The following DTNB variants were observed in gnomAD, a reference collection of about 807,000 sequenced individuals.
DTNB encodes the protein dystrobrevin beta.
In DTNB, 63 loss-of-function variants were observed where a neutral mutation model predicts 90.7. That is an observed-to-expected ratio of 0.69 (90% CI 0.57 to 0.86). DTNB has a LOEUF of 0.86. Ranked by LOEUF, DTNB falls within the 40% of genes least tolerant of loss-of-function variation. The probability of loss-of-function intolerance (pLI) is 0.00; values close to 1 mark genes in which losing one functional copy is unlikely to be tolerated. For synonymous variants in DTNB, 277 were observed against 286.7 expected (o/e 0.97, Z 0.34); for missense variants, 744 against 807.1 (o/e 0.92, Z 0.95).
intron 4 of DTNB, among the ~76,000 whole-genome samples, chr2:25,609,165 CT>C (rs546901249): frequency 7.7e-4 from 117 of 152,312 alleles, no homozygotes; most frequent in Admixed American, 2.2e-3. Context: ...GTGGGTCACC[CT>C]TTTAATTAAT....
chr2:25,480,407 T>C (rs2064696838), intron 10 of DTNB, among the ~76,000 whole-genome samples: 2 of 152,176 alleles, frequency 1.3e-5, no homozygotes, highest in Admixed American at 1.3e-4. Flanking sequence ...ATCCAGGCTA[T>C]AGATTATCTG....
intron 8 of DTNB, among the ~76,000 whole-genome samples, chr2:25,572,210 G>C (rs994409114): frequency 6.6e-6 from 1 of 152,184 alleles, no homozygotes; most frequent in Non-Finnish European, 1.5e-5. Flanking sequence ...GCTCACGCCT[G>C]TAATCCCAGC....
chr2:25,640,816 C>T (rs2078127079), intron 2 of DTNB, among the ~76,000 whole-genome samples: 2 of 151,922 alleles, frequency 1.3e-5, no homozygotes, highest in African/African-American at 4.8e-5. Context: ...ACCATCCTGA[C>T]TAACATGGTG....
At chr2:25,425,313 C>A (rs762468205) in intron 15 of DTNB, among the ~76,000 whole-genome samples, 12 of 152,204 alleles carry the variant, frequency 7.9e-5, no homozygotes, top group Non-Finnish European at 1.5e-4. Context: ...ACCAACACCA[C>A]CAACAACTCA....
chr2:25,639,094 C>T lies in DTNB; in HGVS notation c.68G>A (p.Arg23His), dbSNP rs1272398348. ...AEKRQLFIEM[R>H]AQNFDVIRLS... Reference sequence around the variant, plus strand: ...TCGTATGACATCAAAATTCTGAGCACCTGAAAAAAGGCAAACAGAAATGCT... The same window carrying T: ...TCGTATGACATCAAAATTCTGAGCATCTGAAAAAAGGCAAACAGAAATGCT... Residue 23 changes from arginine to histidine, a missense_variant and splice_region_variant, in exon 3 of 21, where the codon CGT becomes CAT. Transcript: ENST00000406818. 6.4e-7 allele frequency: 1 copy of T among 1,571,290 alleles called. No individual in the cohort carries two copies. The highest frequency in any genetic ancestry group is 8.7e-7 in the Non-Finnish European group (1 of 1,154,702).
chr2:25,614,129 A>T (rs75104413), intron 4 of DTNB, among the ~76,000 whole-genome samples: 1 of 152,316 alleles, frequency 6.6e-6, no homozygotes, highest in African/African-American at 2.4e-5. Flanking sequence ...ACAAAATTCA[A>T]CATCAATTCC....
intron 14 of DTNB, among the ~76,000 whole-genome samples, chr2:25,430,642 T>C (rs570947293): frequency 6.6e-6 from 1 of 152,326 alleles, no homozygotes; most frequent in South Asian, 2.1e-4. Context: ...AGGATAGTGA[T>C]AATGCGACAA....
chr2:25,603,788 A>G lies in DTNB; in HGVS notation c.448+3448T>C, dbSNP rs538991006. On this transcript the variant is annotated intron_variant, in intron 5 of 20. Transcript: ENST00000406818. The stretch of plus-strand genomic sequence containing the variant: ...AAGGAGGTTGGAGCAAACAAGAAGA[A>G]CCAAAACAATGGAATAATTAGGTAT... Among the ~76,000 whole-genome samples, 5 of 152,204 alleles carry G rather than the reference A, an allele frequency of 3.3e-5. No homozygotes were observed. The South Asian group carries it at 1.0e-3, about 32-fold the overall frequency.
intron 15 of DTNB, among the ~76,000 whole-genome samples, chr2:25,423,623 A>G (rs926031308): frequency 6.6e-6 from 1 of 152,140 alleles, no homozygotes; most frequent in African/African-American, 2.4e-5. Flanking sequence ...AGCATACTGA[A>G]CATCAATAAA....
intron 10 of DTNB, among the ~76,000 whole-genome samples, chr2:25,477,360 T>A (rs1156335594): frequency 6.6e-6 from 1 of 152,228 alleles, no homozygotes; most frequent in East Asian, 1.9e-4. Context: ...TTAACTCATC[T>A]CTTAATTTGG....
chr2:25,658,172 G>GGTTGACCC (rs2082434575), intron 1 of DTNB, among the ~76,000 whole-genome samples: 1 of 151,820 alleles, frequency 6.6e-6, no homozygotes, highest in Non-Finnish European at 1.5e-5. Context: ...CAGGAGAATT[G>GGTTGACCC]GTTGAACCTG....
At chr2:25,563,676 A>T (rs971433644) in intron 8 of DTNB, among the ~76,000 whole-genome samples, 1 of 77,998 alleles carries the variant, frequency 1.3e-5, no homozygotes, top group African/African-American at 7.8e-5. Flanking sequence ...GTGAATATCC[A>T]GTTGTTGTCT....
intron 16 of DTNB, among the ~76,000 whole-genome samples, chr2:25,398,094 T>C (rs750983084): frequency 7.2e-5 from 11 of 152,118 alleles, no homozygotes; most frequent in South Asian, 2.1e-4. Flanking sequence ...CACTGAACCT[T>C]TGCAAATACT....
intron 8 of DTNB, among the ~76,000 whole-genome samples, chr2:25,539,440 T>C (rs2080635660): frequency 1.3e-5 from 2 of 152,214 alleles, no homozygotes; most frequent in African/African-American, 4.8e-5. Context: ...GGGTGATGAA[T>C]GGTACTGTGG....
intron 8 of DTNB, among the ~76,000 whole-genome samples, chr2:25,538,633 G>A (rs2080399187): frequency 2.0e-5 from 3 of 151,892 alleles, no homozygotes; most frequent in African/African-American, 7.3e-5. Context: ...TGTATTTTTA[G>A]TAGAGACGGG....
chr2:25,659,831 G>GA (rs1559420107), intron 1 of DTNB, among the ~76,000 whole-genome samples: 1 of 151,656 alleles, frequency 6.6e-6, no homozygotes, highest in Non-Finnish European at 1.5e-5. Context: ...AAAAGACAAG[G>GA]AAACACTTAC....
chr2:25,410,147 T>C (rs2046234596), intron 16 of DTNB, among the ~76,000 whole-genome samples: 1 of 152,220 alleles, frequency 6.6e-6, no homozygotes, highest in South Asian at 2.1e-4. Context: ...AGGAATTCAA[T>C]ATTCTTCCAG....
chr2:25,407,982 G>C (rs1259907667), intron 16 of DTNB, among the ~76,000 whole-genome samples: 1 of 152,138 alleles, frequency 6.6e-6, no homozygotes, highest in African/African-American at 2.4e-5. Flanking sequence ...CACTTTGGGA[G>C]GCTGAGGCAG....
Position 25,387,462 on chromosome 2 carries a change from G to A in DTNB, c.1736-84C>T. 1 of 1,332,642 alleles carries A rather than the reference G, an allele frequency of 7.5e-7. No individual in the cohort carries two copies. Among genetic ancestry groups the A allele is most frequent in the Non-Finnish European group, 1.1e-6 (1 of 948,046 alleles). The allele number at this position is 1,332,642 out of a possible 1,614,324, so 82.6% of individuals were successfully genotyped here. ...CTGAGCAAATGCCTCAGTTCTGCCA[G>A]GCCCGAGAACACAGGTGTGGAACAC... is the stretch of plus-strand genomic sequence containing the variant. On this transcript the variant is annotated intron_variant, in intron 17 of 20. Transcript: ENST00000406818. The surrounding 1 kb of genome is among the most constrained non-coding windows in gnomAD (Gnocchi z 4.5).
Sources: gnomAD v4.1 joint callset for allele counts (sites outside exome capture counted in the v4.1 genomes callset) on GRCh38, gnomAD v4.1.1 for gene constraint, Gnocchi (gnomAD v3.1) non-coding constraint, MANE v1.5 for transcripts, NCBI Gene and HGNC (gene_info 2026-07-23, HGNC 2026-07-21) for gene names.